GNAI3: variants seen among roughly 807,000 people sequenced by gnomAD.
The protein encoded by GNAI3 is guanine nucleotide-binding protein G(i) subunit alpha-3.
Under a neutral mutation model 41.8 loss-of-function variants are expected in GNAI3, and 12 were observed. The observed-to-expected ratio is 0.29, with a 90% CI of 0.18 to 0.47. The LOEUF (loss-of-function observed/expected upper bound fraction) is 0.47, where lower values mean the gene tolerates loss of function less well. Among genes scored for constraint, GNAI3 ranks in the 20% least tolerant of loss-of-function variants. The pLI is 1.00. For synonymous variants in GNAI3, 132 were observed against 146.5 expected (o/e 0.90, Z 0.71); for missense variants, 360 against 429.6 (o/e 0.84, Z 1.43).
intron 3 of GNAI3, among the ~76,000 whole-genome samples, chr1:109,577,611 C>T (rs1393148715): frequency 6.6e-6 from 1 of 152,136 alleles, no homozygotes; most frequent in Non-Finnish European, 1.5e-5. Flanking sequence ...AGTCTACCGC[C>T]ATGCCACCCT....
Position 109,579,236 on chromosome 1 carries a change from C to T in GNAI3, c.336C>T (p.Gly112=), listed in dbSNP as rs558415628. The T allele has an allele frequency of 3.7e-6, 6 of 1,612,262 alleles. No homozygotes were observed. Among genetic ancestry groups the T allele is most frequent in the Non-Finnish European group, 8.5e-7 (1 of 1,178,948 alleles). ...DDARQLFVLA[G]SAEEGVMTPE... is the part of the protein sequence containing the mutation. ...CCCGGCAATTATTTGTTTTAGCTGG[C>T]AGTGCTGAAGAAGGAGTCATGACTC... The change falls in exon 4 of 9, where the codon GGC becomes GGT. Residue 112 remains glycine (G), a synonymous_variant. Transcript: ENST00000369851.
intron 1 of GNAI3, among the ~76,000 whole-genome samples, chr1:109,563,564 A>T (rs576430710): frequency 3.7e-4 from 55 of 146,786 alleles, no homozygotes; most frequent in South Asian, 2.5e-3. Flanking sequence ...CCTTTTTTTT[A>T]AAAAAAACTC....
intron 1 of GNAI3, among the ~76,000 whole-genome samples, chr1:109,553,820 A>T (rs1571145813): frequency 6.6e-6 from 1 of 152,292 alleles, no homozygotes; most frequent in African/African-American, 2.4e-5. Context: ...AGCAGTCTAC[A>T]CTGTACCCAA....
chr1:109,556,106 A>G (rs541925812), intron 1 of GNAI3, among the ~76,000 whole-genome samples: 2 of 150,674 alleles, frequency 1.3e-5, no homozygotes, highest in Non-Finnish European at 3.0e-5. Context: ...GTGCAATCTC[A>G]ATGCAACCTC....
At chr1:109,563,615 T>G (rs1418531515) in intron 1 of GNAI3, among the ~76,000 whole-genome samples, 4 of 152,218 alleles carry the variant, frequency 2.6e-5, no homozygotes, top group African/African-American at 9.6e-5. Context: ...TGTAAAATGC[T>G]TGTTAACTTT....
chr1:109,556,433 T>C (rs1184222751), intron 1 of GNAI3, among the ~76,000 whole-genome samples: 1 of 152,220 alleles, frequency 6.6e-6, no homozygotes. Context: ...AAAAATGGAA[T>C]GTTCAAAACG....
chr1:109,559,519 A>G (rs1381546290), intron 1 of GNAI3, among the ~76,000 whole-genome samples: 8 of 152,230 alleles, frequency 5.3e-5, no homozygotes, highest in Non-Finnish European at 8.8e-5. Context: ...TATTTTAGCA[A>G]GTTATAAAGG....
chr1:109,586,240 A>G lies in GNAI3; in HGVS notation c.615A>G (p.Arg205=), dbSNP rs760438979. The change falls in exon 6 of 9, where the codon AGA becomes AGG. Residue 205 remains arginine (R), a synonymous_variant. Coordinates refer to ENST00000369851, the MANE Select transcript of GNAI3 (RefSeq NM_006496.4). The part of the protein sequence containing the change: ...YFKMFDVGGQ[R]SERKKWIHCF... ...GGATGTTTGATGTAGGTGGCCAAAG[A>G]TCAGAACGAAAAAAGTGGATTCACT... 1 of 1,613,730 alleles carries G rather than the reference A, an allele frequency of 6.2e-7. No homozygotes were observed. Among genetic ancestry groups the G allele is most frequent in the South Asian group, 1.1e-5 (1 of 91,068 alleles).
intron 5 of GNAI3, among the ~76,000 whole-genome samples, chr1:109,583,194 T>C (rs1351020786): frequency 6.6e-6 from 1 of 151,862 alleles, no homozygotes; most frequent in South Asian, 2.1e-4. Context: ...AAACAGTGAT[T>C]TTTTTGGTTT....
Position 109,588,326 on chromosome 1 carries a change from G to A in GNAI3, c.874+1444G>A, listed in dbSNP as rs370428454. On this transcript the variant is annotated intron_variant, in intron 7 of 8. Transcript: ENST00000369851. ...GAACCCGGGAGGCAGAGCTTGCAGT[G>A]AGCCGAGATCGCGCCACTGCACTCC... 4.0e-5 allele frequency among the ~76,000 whole-genome samples: 6 copies of A among 150,874 alleles called. No homozygotes were observed. The East Asian group carries it at 5.9e-4, about 15-fold the overall frequency.
At position 109,593,705 on chromosome 1, in the gene GNAI3, G is replaced by A. The variant is rs1649225927; in HGVS notation, c.*1383G>A. On this transcript the variant is annotated 3_prime_UTR_variant, in exon 9 of 9. Coordinates refer to ENST00000369851, the MANE Select transcript of GNAI3 (RefSeq NM_006496.4). ...TGTTATATCTGCATATGAGTGATAT[G>A]TGATCATGATTCATTTTGCAGATTT... 1.3e-5 allele frequency: 2 copies of A among 152,616 alleles called. No individual in the cohort carries two copies. Among genetic ancestry groups the A allele is most frequent in the African/African-American group, 2.4e-5 (1 of 41,452 alleles). 9.5% of individuals were successfully genotyped at this position (152,616 alleles called of 1,614,324 possible).
chr1:109,550,635 G>A (rs1647959944), intron 1 of GNAI3, among the ~76,000 whole-genome samples: 1 of 151,876 alleles, frequency 6.6e-6, no homozygotes, highest in Non-Finnish European at 1.5e-5. Flanking sequence ...TCGGGTTCAC[G>A]CCATTCTCCT....
chr1:109,569,696 T>A (rs1370476839), intron 1 of GNAI3, among the ~76,000 whole-genome samples: 4 of 152,064 alleles, frequency 2.6e-5, no homozygotes, highest in Non-Finnish European at 5.9e-5. Flanking sequence ...GCCCCTGAGA[T>A]GGAACTGGAA....
At chr1:109,566,507 C>T (rs2101096127) in intron 1 of GNAI3, among the ~76,000 whole-genome samples, 1 of 152,224 alleles carries the variant, frequency 6.6e-6, no homozygotes, top group East Asian at 1.9e-4. Flanking sequence ...AACTAAGAAG[C>T]AACTGGTTTT....
rs1450132705 is a variant in GNAI3 at position 109,592,654 on chromosome 1, C to T, written c.*332C>T. On this transcript the variant is annotated 3_prime_UTR_variant, in exon 9 of 9. Transcript: ENST00000369851. ...TATGTAGCTTACTCTTTTTTTCCCC[C>T]CTTCTTAAACCACCAGTGGTTCATT... 1 of 153,794 alleles carries T rather than the reference C, an allele frequency of 6.5e-6. No individual in the cohort carries two copies. The highest frequency in any genetic ancestry group is 1.5e-5 in the Non-Finnish European group (1 of 68,936). The allele number at this position is 153,794 out of a possible 1,614,324, so 9.5% of individuals were successfully genotyped here. A position where few individuals can be genotyped will look rare whatever the true frequency, so the allele number is the denominator to read the frequency against.
chr1:109,567,137 C>T (rs968594770), intron 1 of GNAI3, among the ~76,000 whole-genome samples: 1 of 152,074 alleles, frequency 6.6e-6, no homozygotes, highest in Non-Finnish European at 1.5e-5. Flanking sequence ...GTCATATGTT[C>T]CTATATGTCT....
At chr1:109,572,694 T>A (rs1648636256) in intron 1 of GNAI3, among the ~76,000 whole-genome samples, 1 of 151,982 alleles carries the variant, frequency 6.6e-6, no homozygotes. Context: ...CAAGGAAAGT[T>A]AGGGGTGTGT....
At position 109,593,510 on chromosome 1, in the gene GNAI3, GC is replaced by G. The variant is rs550310856; in HGVS notation, c.*1191del. The G allele has an allele frequency of 5.9e-5, 9 of 152,590 alleles. No homozygotes were observed. The highest frequency in any genetic ancestry group is 1.3e-4 in the Non-Finnish European group (9 of 68,034). The allele number at this position is 152,590 out of a possible 1,614,324, so 9.5% of individuals were successfully genotyped here. A position where few individuals can be genotyped will look rare whatever the true frequency, so the allele number is the denominator to read the frequency against. ...GCAGTATTAAAATGGTGAGTAAAGA[GC>G]CCAGGTTTGCTCCTGTTTGTAACTA... On this transcript the variant is annotated 3_prime_UTR_variant, in exon 9 of 9. Transcript: ENST00000369851.
At chr1:109,577,546 A>G (rs1284703177) in intron 3 of GNAI3, among the ~76,000 whole-genome samples, 5 of 152,144 alleles carry the variant, frequency 3.3e-5, no homozygotes, top group Non-Finnish European at 7.3e-5. Flanking sequence ...AAATGCTGGG[A>G]TTACAAGTGT....
Sources: gnomAD v4.1 joint callset for allele counts (sites outside exome capture counted in the v4.1 genomes callset) on GRCh38, gnomAD v4.1.1 for gene constraint, MANE v1.5 for transcripts, NCBI Gene and HGNC (gene_info 2026-07-23, HGNC 2026-07-21) for gene names.